The following MAN1A1 variants were observed in gnomAD, a reference collection of about 807,000 sequenced individuals.
MAN1A1 encodes mannosyl-oligosaccharide 1,2-alpha-mannosidase IA.
In MAN1A1, 29 loss-of-function variants were observed where a neutral mutation model predicts 70.8. The observed-to-expected ratio is 0.41, with a 90% confidence interval of 0.31 to 0.56. The LOEUF is 0.56. MAN1A1 is among the 20% of genes least tolerant of loss of function. The pLI, the probability that MAN1A1 is intolerant of heterozygous loss-of-function variation, is 0.29. For missense variants in MAN1A1, 747 were observed against 841.3 expected (o/e 0.89, Z 1.39); for synonymous variants, 349 against 330.1 (o/e 1.06, Z -0.62).
intron 6 of MAN1A1, among the ~76,000 whole-genome samples, chr6:119,243,615 T>G (rs1488272307): frequency 1.3e-5 from 2 of 152,108 alleles, no homozygotes; most frequent in African/African-American, 4.8e-5. Context: ...CCTAGGATAA[T>G]CTTTCACTAT....
rs73767445 is a variant in MAN1A1, at chr6:119,322,607, T to C, written c.604-15615A>G. Among the ~76,000 whole-genome samples, 339 of 152,288 alleles carry C rather than the reference T, an allele frequency of 2.2e-3. 2 individuals are homozygous for C. Among genetic ancestry groups the C allele is most frequent in the African/African-American group, 8.1e-3 (335 of 41,548 alleles). On this transcript the variant is annotated intron_variant, in intron 2 of 12. Transcript: ENST00000368468. The stretch of plus-strand genomic sequence containing the variant: ...GCTACTACTCGGCCAGTCCTATTTA[T>C]AGAAATTATATAATATACATAGACA...
At chr6:119,198,415 A>G (rs983231763) in intron 8 of MAN1A1, among the ~76,000 whole-genome samples, 3 of 152,072 alleles carry the variant, frequency 2.0e-5, no homozygotes, top group African/African-American at 7.2e-5. Context: ...AAATATACAC[A>G]AGTTGTTTTA....
chr6:119,330,110 CTT>C (rs950745756), intron 2 of MAN1A1, among the ~76,000 whole-genome samples: 15 of 152,330 alleles, frequency 9.8e-5, no homozygotes, highest in African/African-American at 3.4e-4. Flanking sequence ...GCCCTTGACT[CTT>C]TGTACAGGAC....
chr6:119,246,656 T>A, intron 6 of MAN1A1, among the ~76,000 whole-genome samples: 1 of 152,172 alleles, frequency 6.6e-6, no homozygotes, highest in Middle Eastern at 3.2e-3. Flanking sequence ...TTGTGCACGG[T>A]GCTTTTGTGA....
intron 11 of MAN1A1, among the ~76,000 whole-genome samples, chr6:119,182,741 C>T (rs1409445247): frequency 1.3e-5 from 2 of 151,798 alleles, no homozygotes; most frequent in Admixed American, 1.3e-4. Context: ...AGACTAAAAC[C>T]CTAATATATT....
intron 6 of MAN1A1, among the ~76,000 whole-genome samples, chr6:119,232,138 C>T (rs975443210): frequency 2.0e-5 from 3 of 151,886 alleles, no homozygotes; most frequent in Non-Finnish European, 4.4e-5. Flanking sequence ...TTTGGGAGGC[C>T]GAGGCAGGCG....
chr6:119,184,899 T>A (rs916471), intron 11 of MAN1A1, among the ~76,000 whole-genome samples: 72,859 of 151,670 alleles, frequency 0.48, 18,362 homozygotes, highest in African/African-American at 0.63. Flanking sequence ...TTTTTTTTTT[T>A]AAAATTTTCA....
chr6:119,303,180 G>T (rs928629980), intron 3 of MAN1A1, among the ~76,000 whole-genome samples: 2 of 151,990 alleles, frequency 1.3e-5, no homozygotes, highest in African/African-American at 4.8e-5. Context: ...CACCATGCCT[G>T]GCTAATTTTA....
intron 6 of MAN1A1, among the ~76,000 whole-genome samples, chr6:119,209,072 T>C (rs549741268): frequency 4.1e-4 from 48 of 115,874 alleles, no homozygotes; most frequent in Admixed American, 1.1e-4. Context: ...GCCAGGGTGA[T>C]AGAGTAAGAC....
In MAN1A1 at chr6:119,270,928, C is replaced by CA. The variant is rs1775905661; in HGVS notation, c.897+19754dup. On this transcript the variant is annotated intron_variant, in intron 5 of 12. Transcript: ENST00000368468. ...TTCCCAACTGTTTCTGTGAATATTG[C>CA]AGTTTACTGTTTTCCTTGAACGACT... Among the ~76,000 whole-genome samples, 8 of 152,312 alleles carry CA rather than the reference C, an allele frequency of 5.3e-5. No homozygotes were observed. In the South Asian group the frequency reaches 1.7e-3, roughly 32 times the overall value.
chr6:119,349,369 G>C (rs1274658129), intron 1 of MAN1A1, 82 bp from the exon 2 acceptor site: 5 of 1,028,192 alleles, frequency 4.9e-6, no homozygotes, highest in Non-Finnish European at 5.9e-6. Context: ...GACTCCTGGC[G>C]AGCCTCCAGG....
At chr6:119,322,826 C>A (rs1008529128) in intron 2 of MAN1A1, among the ~76,000 whole-genome samples, 2 of 152,206 alleles carry the variant, frequency 1.3e-5, no homozygotes, top group Non-Finnish European at 2.9e-5. Flanking sequence ...GGGTAACAAT[C>A]ATTTCAAAGT....
chr6:119,182,331 T>C (rs1773173215), intron 11 of MAN1A1, among the ~76,000 whole-genome samples: 1 of 152,164 alleles, frequency 6.6e-6, no homozygotes, highest in African/African-American at 2.4e-5. Flanking sequence ...ATTGTTTCCT[T>C]TGCTGTAAGG....
chr6:119,335,304 C>T (rs1773424085), intron 2 of MAN1A1, among the ~76,000 whole-genome samples: 1 of 152,172 alleles, frequency 6.6e-6, no homozygotes, highest in African/African-American at 2.4e-5. Context: ...ATGAATGATA[C>T]ATGCCAGGCA....
chr6:119,244,886 T>C (rs1409421740), intron 6 of MAN1A1, among the ~76,000 whole-genome samples: 2 of 152,104 alleles, frequency 1.3e-5, no homozygotes, highest in African/African-American at 2.4e-5. Context: ...TGAAGAGAAG[T>C]AGAAACTCTT....
intron 1 of MAN1A1, 48 bp downstream of exon 1, chr6:119,349,494 G>T (rs1773842591): frequency 1.0e-6 from 1 of 976,476 alleles, no homozygotes; most frequent in Non-Finnish European, 1.2e-6. Context: ...GTCCCGCGCA[G>T]GAAGGGGTCA....
intron 6 of MAN1A1, among the ~76,000 whole-genome samples, chr6:119,233,751 T>C (rs897052266): frequency 6.6e-6 from 1 of 152,204 alleles, no homozygotes; most frequent in African/African-American, 2.4e-5. Context: ...CAAGAGATGC[T>C]AGAGATTCTT....
chr6:119,316,199 T>G (rs372174382), intron 2 of MAN1A1, among the ~76,000 whole-genome samples: 2 of 129,496 alleles, frequency 1.5e-5, no homozygotes, highest in South Asian at 2.3e-4. Context: ...TTTTTTGAGA[T>G]GGAGTTTTGC....
chr6:119,242,674 A>G (rs183783367), intron 6 of MAN1A1, among the ~76,000 whole-genome samples: 1 of 152,320 alleles, frequency 6.6e-6, no homozygotes, highest in Non-Finnish European at 1.5e-5. Flanking sequence ...GCACTCTGCA[A>G]GGTTTAACCT....
Sources: gnomAD v4.1 joint callset for allele counts (sites outside exome capture counted in the v4.1 genomes callset) on GRCh38, gnomAD v4.1.1 for gene constraint, MANE v1.5 for transcripts, NCBI Gene and HGNC (gene_info 2026-07-23, HGNC 2026-07-21) for gene names.